CRACD: variants seen among roughly 807,000 people sequenced by gnomAD.
The protein encoded by CRACD is capping protein inhibiting regulator of actin dynamics.
CRACD carries 56 observed loss-of-function variants against 106.8 expected under a neutral mutation model. That is an observed-to-expected ratio of 0.52 (90% CI 0.42 to 0.66). CRACD has a LOEUF of 0.66. Among genes scored for constraint, CRACD ranks in the 30% least tolerant of loss-of-function variants. CRACD has a pLI of 0.00. For synonymous variants in CRACD, 754 were observed against 670.8 expected (o/e 1.12, Z -1.92); for missense variants, 1,730 against 1,623.2 (o/e 1.07, Z -1.13).
chr4:56,113,186 A>G (rs1734177428), intron 1 of CRACD, among the ~76,000 whole-genome samples: 3 of 152,180 alleles, frequency 2.0e-5, no homozygotes, highest in Non-Finnish European at 2.9e-5. Context: ...TTCTGTCTTT[A>G]TCTTTTAAAA....
chr4:56,280,611 G>C (rs1230504481), intron 3 of CRACD, among the ~76,000 whole-genome samples: 1 of 151,220 alleles, frequency 6.6e-6, no homozygotes, highest in Non-Finnish European at 1.5e-5. Flanking sequence ...GCACATAGCA[G>C]GTATTCAGTA....
Position 56,307,716 on chromosome 4 carries a change from G to T in CRACD, c.285+17G>T. 6.2e-7 allele frequency: 1 copy of T among 1,613,528 alleles called. No individual in the cohort carries two copies. The highest frequency in any genetic ancestry group is 8.5e-7 in the Non-Finnish European group (1 of 1,179,702). On this transcript the variant is annotated intron_variant, in intron 5 of 10. Transcript: ENST00000682029. ...GAGAACAAGGTAAGTCTCCTCCAGG[G>T]AATGACTTGATGGCTCATAAACCAG...
At chr4:56,185,852 G>T (rs1234932428) in intron 2 of CRACD, among the ~76,000 whole-genome samples, 1 of 152,174 alleles carries the variant, frequency 6.6e-6, no homozygotes, top group Non-Finnish European at 1.5e-5. Flanking sequence ...TGATATTTTG[G>T]CATTGGGATA....
intron 1 of CRACD, among the ~76,000 whole-genome samples, chr4:56,086,318 C>G (rs1297679333): frequency 6.6e-6 from 1 of 152,078 alleles, no homozygotes; most frequent in Non-Finnish European, 1.5e-5. Flanking sequence ...CACTGTGTCA[C>G]CCAGGCTAGG....
At chr4:56,311,774 CAAAT>C (rs1745174157) in intron 6 of CRACD, among the ~76,000 whole-genome samples, 2 of 152,182 alleles carry the variant, frequency 1.3e-5, no homozygotes, top group Non-Finnish European at 2.9e-5. Context: ...CAGAAACAAA[CAAAT>C]AAACCCTGGC....
chr4:56,184,089 A>G (rs942710617), intron 2 of CRACD, among the ~76,000 whole-genome samples: 2 of 151,972 alleles, frequency 1.3e-5, no homozygotes, highest in Non-Finnish European at 2.9e-5. Context: ...TTTTTCCCCC[A>G]AGACAGAGTC....
At chr4:56,101,906 T>A (rs1733787382) in intron 1 of CRACD, among the ~76,000 whole-genome samples, 1 of 152,222 alleles carries the variant, frequency 6.6e-6, no homozygotes, top group Non-Finnish European at 1.5e-5. Flanking sequence ...TTTGTCCTTG[T>A]TGCTAAATAT....
chr4:56,223,054 A>T (rs977878183), intron 2 of CRACD, among the ~76,000 whole-genome samples: 12 of 150,828 alleles, frequency 8.0e-5, no homozygotes, highest in African/African-American at 2.4e-4. Context: ...AAAAAAAAAA[A>T]GCAGCAGATC....
At chr4:56,073,068 G>A (rs758812879) in intron 1 of CRACD, among the ~76,000 whole-genome samples, 3 of 152,088 alleles carry the variant, frequency 2.0e-5, no homozygotes, top group Admixed American at 6.6e-5. Flanking sequence ...ATAAACATAC[G>A]TTTGCCTGTG....
intron 1 of CRACD, among the ~76,000 whole-genome samples, chr4:56,166,374 T>G (rs1736144500): frequency 6.6e-6 from 1 of 152,138 alleles, no homozygotes; most frequent in African/African-American, 2.4e-5. Context: ...GATGAACAGA[T>G]AAGTAAATTA....
chr4:56,112,725 T>C (rs1181289679), intron 1 of CRACD, among the ~76,000 whole-genome samples: 1 of 152,206 alleles, frequency 6.6e-6, no homozygotes, highest in Non-Finnish European at 1.5e-5. Flanking sequence ...TCTCCTTGGC[T>C]ATTGTTTTAA....
chr4:56,250,138 A>G (rs1224277352), intron 2 of CRACD, among the ~76,000 whole-genome samples: 1 of 151,636 alleles, frequency 6.6e-6, no homozygotes, highest in East Asian at 1.9e-4. Flanking sequence ...TTTCTTTCTC[A>G]CGTTTTGATT....
In CRACD at chr4:56,086,446, T is replaced by C. The variant is rs1249940179; in HGVS notation, c.-336+37147T>C. ...GGTGGTGAGCCACTGAGCCCAGCCC[T>C]TTCTGATAGTGTTGAATCCTATTAC... is the stretch of plus-strand genomic sequence containing the variant. On this transcript the variant is annotated intron_variant, in intron 1 of 10. Coordinates refer to ENST00000682029, the MANE Select transcript of CRACD (RefSeq NM_001393381.1). 7.2e-5 allele frequency among the ~76,000 whole-genome samples: 11 copies of C among 152,238 alleles called. No homozygotes were observed. The East Asian group carries it at 1.7e-3, about 24-fold the overall frequency.
chr4:56,065,508 T>G (rs1044809425), intron 1 of CRACD, among the ~76,000 whole-genome samples: 1 of 152,212 alleles, frequency 6.6e-6, no homozygotes, highest in South Asian at 2.1e-4. Flanking sequence ...TTCCTTGTTG[T>G]CATGCAGGTA....
intron 3 of CRACD, among the ~76,000 whole-genome samples, chr4:56,290,693 A>C (rs1162924024): frequency 6.6e-6 from 1 of 152,226 alleles, no homozygotes; most frequent in Non-Finnish European, 1.5e-5. Context: ...ACAGCAAATC[A>C]GGACAGAAAT....
chr4:56,197,267 T>TA lies in CRACD; in HGVS notation c.-189+17848dup, dbSNP rs766074920. Among the ~76,000 whole-genome samples, 30 of 148,178 alleles carry TA rather than the reference T, an allele frequency of 2.0e-4. 1 individual carries two copies. Among genetic ancestry groups the TA allele is most frequent in the Middle Eastern group, 6.9e-3 (2 of 288 alleles). ...TTTATCACACTTTCTTGGCAGAGATTAAAAAAAAAAATGTAGCTAATTCAT... is the reference window on the plus strand; with the variant it reads ...TTTATCACACTTTCTTGGCAGAGATTAAAAAAAAAAAATGTAGCTAATTCAT... On this transcript the variant is annotated intron_variant, in intron 2 of 10. Transcript: ENST00000682029.
chr4:56,245,622 A>G (rs1000436220), intron 2 of CRACD, among the ~76,000 whole-genome samples: 2 of 152,162 alleles, frequency 1.3e-5, no homozygotes, highest in Admixed American at 1.3e-4. Context: ...GTGTTGCACT[A>G]TTTGTTCTAC....
intron 3 of CRACD, among the ~76,000 whole-genome samples, chr4:56,280,270 G>A (rs565020383): frequency 7.2e-5 from 11 of 151,914 alleles, no homozygotes; most frequent in African/African-American, 2.4e-4. Flanking sequence ...TTGTGCACAT[G>A]TACCCTAAAA....
chr4:56,315,316 G>T lies in CRACD; in HGVS notation c.1814G>T (p.Gly605Val). 6.2e-7 allele frequency: 1 copy of T among 1,613,882 alleles called. No homozygotes were observed. The highest frequency in any genetic ancestry group is 8.5e-7 in the Non-Finnish European group (1 of 1,179,968). ...CTGGTCACGGGCGCGCAGCTCTGTG[G>T]CCCGGCAGTCAACCTGAGCCAGATC... ...AILVTGAQLCGPAVNLSQIKD... is the reference protein window; with the variant it reads ...AILVTGAQLCVPAVNLSQIKD... Residue 605 changes from glycine to valine, a missense_variant, in exon 8 of 11, where the codon GGC (glycine) becomes GTC (valine). Physicochemically the swap from Gly to Val is moderately radical, Grantham distance 109. Transcript: ENST00000682029. This position sits in a 1 kb window ranked among gnomAD's most constrained non-coding sequence, Gnocchi z 4.1.
Sources: gnomAD v4.1 joint callset for allele counts (sites outside exome capture counted in the v4.1 genomes callset) on GRCh38, gnomAD v4.1.1 for gene constraint, Gnocchi (gnomAD v3.1) non-coding constraint, MANE v1.5 for transcripts, NCBI Gene and HGNC (gene_info 2026-07-23, HGNC 2026-07-21) for gene names.